Variants in CAMK1D observed in about 807,000 individuals in gnomAD.
CAMK1D encodes the protein calcium/calmodulin-dependent protein kinase type 1D.
A neutral mutation model predicts 47.7 loss-of-function variants in CAMK1D; 9 were observed. The observed-to-expected ratio is 0.19, with a 90% CI of 0.11 to 0.33. The LOEUF is 0.33. Among genes scored for constraint, CAMK1D ranks in the 10% least tolerant of loss-of-function variants. The pLI is 1.00. For missense variants in CAMK1D, 291 were observed against 488.7 expected (o/e 0.60, Z 3.81); for synonymous variants, 184 against 184.9 (o/e 0.99, Z 0.04).
At chr10:12,435,962 A>T (rs972835188) in intron 1 of CAMK1D, among the ~76,000 whole-genome samples, 1 of 152,206 alleles carries the variant, frequency 6.6e-6, no homozygotes, top group Non-Finnish European at 1.5e-5. Flanking sequence ...TTGTCTGTAG[A>T]TGAGCAGAAT....
intron 1 of CAMK1D, among the ~76,000 whole-genome samples, chr10:12,490,203 G>C (rs893578515): frequency 1.3e-5 from 2 of 152,230 alleles, no homozygotes; most frequent in Non-Finnish European, 2.9e-5. Flanking sequence ...CTTGGGCCTG[G>C]GAAGTCACTT....
intron 5 of CAMK1D, among the ~76,000 whole-genome samples, chr10:12,777,395 G>A (rs147890533): frequency 0.056 from 6,585 of 118,538 alleles, 239 homozygotes; most frequent in Middle Eastern, 0.12. Flanking sequence ...TTTTTGAGAC[G>A]GAGTTTTGCT....
At chr10:12,768,383 G>A (rs906706511) in intron 4 of CAMK1D, among the ~76,000 whole-genome samples, 1 of 152,164 alleles carries the variant, frequency 6.6e-6, no homozygotes, top group African/African-American at 2.4e-5. Context: ...CATAAGAATA[G>A]TTTCTAAAGT....
At chr10:12,349,977 T>TGCCGCC in intron 1 of CAMK1D, 67 bp downstream of exon 1, 3 of 816,570 alleles carry the variant, frequency 3.7e-6, no homozygotes, top group South Asian at 3.9e-5. Context: ...CAGCTCCAGC[T>TGCCGCC]GCCGCCGCCG....
At chr10:12,361,792 A>G (rs1219495850) in intron 1 of CAMK1D, among the ~76,000 whole-genome samples, 1 of 151,732 alleles carries the variant, frequency 6.6e-6, no homozygotes, top group Non-Finnish European at 1.5e-5. Flanking sequence ...CTGACCTCAA[A>G]TGACCCACCC....
At chr10:12,625,504 T>G (rs1342398054) in intron 2 of CAMK1D, among the ~76,000 whole-genome samples, 1 of 150,762 alleles carries the variant, frequency 6.6e-6, no homozygotes, top group Non-Finnish European at 1.5e-5. Flanking sequence ...CTGATTGATT[T>G]TTATTTTTAT....
At chr10:12,502,051 G>A (rs756799887) in intron 1 of CAMK1D, among the ~76,000 whole-genome samples, 1 of 152,160 alleles carries the variant, frequency 6.6e-6, no homozygotes, top group Non-Finnish European at 1.5e-5. Context: ...AGCCACCAGG[G>A]CAGGCAGCCA....
chr10:12,655,547 C>G (rs934386253), intron 2 of CAMK1D, among the ~76,000 whole-genome samples: 1 of 152,208 alleles, frequency 6.6e-6, no homozygotes, highest in Non-Finnish European at 1.5e-5. Context: ...GTCTGTAAGA[C>G]TTTTGGAAGG....
At chr10:12,493,986 C>G (rs563964310) in intron 1 of CAMK1D, among the ~76,000 whole-genome samples, 1 of 152,138 alleles carries the variant, frequency 6.6e-6, no homozygotes, top group African/African-American at 2.4e-5. Flanking sequence ...AGGGGAAATA[C>G]GCTGGTGGAT....
chr10:12,683,564 A>G (rs1832533752), intron 3 of CAMK1D, among the ~76,000 whole-genome samples: 1 of 151,692 alleles, frequency 6.6e-6, no homozygotes, highest in African/African-American at 2.4e-5. Flanking sequence ...TGTGCTCCTT[A>G]TGTGGTTTTT....
At chr10:12,676,276 T>G (rs1219741210) in intron 3 of CAMK1D, among the ~76,000 whole-genome samples, 1 of 152,198 alleles carries the variant, frequency 6.6e-6, no homozygotes, top group Non-Finnish European at 1.5e-5. Context: ...CTTAATGCTA[T>G]CATGGAATAA....
At chr10:12,610,947 A>G (rs1301810660) in intron 2 of CAMK1D, among the ~76,000 whole-genome samples, 1 of 152,218 alleles carries the variant, frequency 6.6e-6, no homozygotes, top group Non-Finnish European at 1.5e-5. Flanking sequence ...GGGAACAGGT[A>G]ATAGCAGCAA....
At chr10:12,489,220 G>A (rs1378188556) in intron 1 of CAMK1D, among the ~76,000 whole-genome samples, 2 of 152,178 alleles carry the variant, frequency 1.3e-5, no homozygotes, top group Admixed American at 1.3e-4. Context: ...TTACAGGCGT[G>A]AGCCACTGTG....
At chr10:12,405,497 A>G (rs767284819) in intron 1 of CAMK1D, among the ~76,000 whole-genome samples, 1 of 152,180 alleles carries the variant, frequency 6.6e-6, no homozygotes, top group Admixed American at 6.5e-5. Context: ...CTTTCTGTGT[A>G]TTGACTCAAT....
chr10:12,756,701 T>C (rs888044614), intron 3 of CAMK1D, among the ~76,000 whole-genome samples: 3 of 152,054 alleles, frequency 2.0e-5, no homozygotes, highest in Non-Finnish European at 4.4e-5. Flanking sequence ...CCAAGGTGGG[T>C]GGATCACGAG....
At chr10:12,401,035 A>C (rs1488354010) in intron 1 of CAMK1D, among the ~76,000 whole-genome samples, 3 of 114,564 alleles carry the variant, frequency 2.6e-5, no homozygotes, top group Non-Finnish European at 5.1e-5. Flanking sequence ...TAATATATAA[A>C]TATATGTATT....
intron 1 of CAMK1D, among the ~76,000 whole-genome samples, chr10:12,532,428 C>T (rs1449508224): frequency 1.3e-5 from 2 of 151,990 alleles, no homozygotes; most frequent in African/African-American, 4.8e-5. Context: ...TACAGGCGCC[C>T]GCCACTACGC....
At chr10:12,821,393 T>C (rs1833006311) in intron 8 of CAMK1D, among the ~76,000 whole-genome samples, 2 of 152,214 alleles carry the variant, frequency 1.3e-5, no homozygotes, top group African/African-American at 2.4e-5. Context: ...CGCTCCCATC[T>C]TCTGGGCTCC....
intron 1 of CAMK1D, among the ~76,000 whole-genome samples, chr10:12,529,480 T>C (rs1835735040): frequency 6.6e-6 from 1 of 152,214 alleles, no homozygotes; most frequent in African/African-American, 2.4e-5. Context: ...ACTGGGATTG[T>C]TCTGGCAAAT....
Sources: gnomAD v4.1 joint callset for allele counts (sites outside exome capture counted in the v4.1 genomes callset) on GRCh38, gnomAD v4.1.1 for gene constraint, MANE v1.5 for transcripts, NCBI Gene and HGNC (gene_info 2026-07-23, HGNC 2026-07-21) for gene names.